The following SLC44A5 variants were observed in gnomAD, a reference collection of about 807,000 sequenced individuals.
The protein encoded by SLC44A5 is solute carrier family 44 member 5.
Under a neutral mutation model 101.8 loss-of-function variants are expected in SLC44A5, and 57 were observed. That is an observed-to-expected ratio of 0.56 (90% CI 0.45 to 0.70). The LOEUF (loss-of-function observed/expected upper bound fraction) is 0.70. Among genes scored for constraint, SLC44A5 ranks in the 30% least tolerant of loss-of-function variants. The probability of loss-of-function intolerance (pLI) is 0.00; values close to 1 mark genes in which losing one functional copy is unlikely to be tolerated. For missense variants in SLC44A5, 737 were observed against 853.1 expected (o/e 0.86, Z 1.70); for synonymous variants, 281 against 290.9 (o/e 0.97, Z 0.35).
chr1:75,214,784 A>T, intron 19 of SLC44A5, 106 bp from the exon 20 acceptor site: 1 of 834,524 alleles, frequency 1.2e-6, no homozygotes, highest in Non-Finnish European at 1.9e-6. Context: ...TGTCATTTGT[A>T]GAGCTATCTC....
intron 4 of SLC44A5, among the ~76,000 whole-genome samples, chr1:75,306,733 C>CTTTTTTTT (rs771955227): frequency 0.012 from 1,226 of 102,458 alleles, 87 homozygotes; most frequent in East Asian, 0.02. Context: ...GGTTTCCTTT[C>CTTTTTTTT]TTTTTTTTTT....
chr1:75,455,213 A>T (rs191054303), intron 2 of SLC44A5, among the ~76,000 whole-genome samples: 5 of 152,226 alleles, frequency 3.3e-5, no homozygotes, highest in Non-Finnish European at 5.9e-5. Context: ...ATAAAGCCAC[A>T]TACCTAAAGC....
intron 4 of SLC44A5, among the ~76,000 whole-genome samples, chr1:75,309,490 T>C (rs1351509534): frequency 1.3e-5 from 2 of 152,218 alleles, no homozygotes; most frequent in Non-Finnish European, 2.9e-5. Context: ...TTCTCTATTA[T>C]AAGCATATTT....
intron 2 of SLC44A5, among the ~76,000 whole-genome samples, chr1:75,473,616 A>C (rs956754873): frequency 2.0e-5 from 3 of 152,170 alleles, no homozygotes; most frequent in Non-Finnish European, 4.4e-5. Context: ...TCACATTTCT[A>C]TGTTTAATTT....
intron 1 of SLC44A5, among the ~76,000 whole-genome samples, chr1:75,607,137 G>A (rs1357000639): frequency 5.3e-5 from 8 of 151,908 alleles, no homozygotes; most frequent in Admixed American, 3.3e-4. Context: ...AAACCCAAAT[G>A]TGTCCAAAAC....
intron 23 of SLC44A5, among the ~76,000 whole-genome samples, chr1:75,209,679 G>C (rs1646816044): frequency 6.6e-6 from 1 of 152,110 alleles, no homozygotes; most frequent in African/African-American, 2.4e-5. Flanking sequence ...AAAAAACAAG[G>C]CCAGACTTTT....
intron 3 of SLC44A5, among the ~76,000 whole-genome samples, chr1:75,378,416 G>A (rs1376707345): frequency 3.3e-5 from 2 of 60,780 alleles, no homozygotes; most frequent in South Asian, 1.2e-3. Flanking sequence ...AGGTAGGAAG[G>A]GTAATATCAT....
Position 75,222,321 on chromosome 1 carries a change from C to T in SLC44A5, c.1085+40G>A, listed in dbSNP as rs563412908. 2.8e-6 allele frequency: 4 copies of T among 1,422,462 alleles called. No individual in the cohort carries two copies. In the South Asian group the frequency reaches 4.6e-5, roughly 16 times the overall value. 88.1% of individuals were successfully genotyped at this position (1,422,462 alleles called of 1,614,324 possible). ...AAGGGACAGTGACTGATTTTACTGA[C>T]TGATACACTTTAGCTGAGTTTCTAC... On this transcript the variant is annotated intron_variant, in intron 14 of 23. Coordinates refer to ENST00000370859, the MANE Select transcript of SLC44A5 (RefSeq NM_001130058.2).
chr1:75,234,990 CAG>C (rs1197684881), intron 11 of SLC44A5, among the ~76,000 whole-genome samples: 1 of 152,000 alleles, frequency 6.6e-6, no homozygotes, highest in African/African-American at 2.4e-5. Context: ...TAGCAACAGA[CAG>C]AGTGTAGTAC....
chr1:75,286,075 T>C (rs1017538711), intron 5 of SLC44A5, among the ~76,000 whole-genome samples: 3 of 152,086 alleles, frequency 2.0e-5, no homozygotes, highest in African/African-American at 7.2e-5. Flanking sequence ...AGGGTTGAAA[T>C]CCCCCACTAT....
intron 23 of SLC44A5, among the ~76,000 whole-genome samples, chr1:75,210,764 T>G (rs1220647655): frequency 6.6e-6 from 1 of 152,214 alleles, no homozygotes; most frequent in African/African-American, 2.4e-5. Flanking sequence ...AGCCTGTGCT[T>G]CATTTCAGTA....
At chr1:75,673,304 G>A in the SLC44A5 span, among the ~76,000 whole-genome samples, 1 of 151,868 alleles carries the variant, frequency 6.6e-6, no homozygotes, top group African/African-American at 2.4e-5. Context: ...GTGGGTCGGG[G>A]GTGTGATGAC....
At chr1:75,504,742 T>C (rs1483801943) in intron 2 of SLC44A5, among the ~76,000 whole-genome samples, 1 of 152,144 alleles carries the variant, frequency 6.6e-6, no homozygotes, top group African/African-American at 2.4e-5. Context: ...TAGGGCAAAA[T>C]CATTATCTTC....
At chr1:75,319,471 T>C (rs1190522468) in intron 4 of SLC44A5, among the ~76,000 whole-genome samples, 58 of 152,206 alleles carry the variant, frequency 3.8e-4, no homozygotes, top group Admixed American at 3.8e-3. Context: ...AGGTGAACAA[T>C]TCTTAACTTT....
At chr1:75,536,325 C>A (rs575500458) in intron 2 of SLC44A5, among the ~76,000 whole-genome samples, 9 of 151,382 alleles carry the variant, frequency 5.9e-5, no homozygotes, top group African/African-American at 2.2e-4. Context: ...CCCGGCCAGA[C>A]GCGGTGGCTC....
At chr1:75,659,840 C>G in the SLC44A5 span, among the ~76,000 whole-genome samples, 1 of 151,814 alleles carries the variant, frequency 6.6e-6, no homozygotes, top group Non-Finnish European at 1.5e-5. Context: ...ACTAGCAAAC[C>G]AAATGTAATA....
At chr1:75,630,890 T>C in the SLC44A5 span, among the ~76,000 whole-genome samples, 1 of 152,130 alleles carries the variant, frequency 6.6e-6, no homozygotes, top group Non-Finnish European at 1.5e-5. Context: ...ACTATGTCAA[T>C]ACTCAGAAAC....
chr1:75,681,828 G>A, the SLC44A5 span, among the ~76,000 whole-genome samples: 2 of 152,114 alleles, frequency 1.3e-5, no homozygotes, highest in Non-Finnish European at 2.9e-5. Flanking sequence ...GTCCCTGTTT[G>A]CAGATGACAT....
chr1:75,573,127 C>CAAAAAAAAAAAAAAAAAAAAA (rs745593621), intron 1 of SLC44A5, among the ~76,000 whole-genome samples: 1 of 16,688 alleles, frequency 6.0e-5, no homozygotes, highest in African/African-American at 2.5e-4. Flanking sequence ...GGCTCCATCT[C>CAAAAAAAAAAAAAAAAAAAAA]AAAAAAAAAA....
Sources: allele counts gnomAD v4.1 joint callset (sites outside exome capture counted in the v4.1 genomes callset), GRCh38; gene constraint gnomAD v4.1.1; transcripts MANE v1.5; gene names NCBI Gene and HGNC (gene_info 2026-07-23, HGNC 2026-07-21).